The following BRINP1 variants were observed in gnomAD, a reference collection of about 807,000 sequenced individuals.
BRINP1 encodes the protein BMP/retinoic acid inducible neural specific 1.
BRINP1 carries 17 observed loss-of-function variants against 72.9 expected under a neutral mutation model. The ratio of observed to expected loss-of-function variants is 0.23; its 90% CI spans 0.16 to 0.35. The LOEUF (loss-of-function observed/expected upper bound fraction) is 0.35, where lower values mean the gene tolerates loss of function less well. Among genes scored for constraint, BRINP1 ranks in the 10% least tolerant of loss-of-function variants. The pLI, the probability that BRINP1 is intolerant of heterozygous loss-of-function variation, is 1.00. For missense variants in BRINP1, 850 were observed against 1,001.6 expected (o/e 0.85, Z 2.04); for synonymous variants, 418 against 378.5 (o/e 1.10, Z -1.21).
At chr9:119,195,767 C>T (rs1251006236) in intron 7 of BRINP1, among the ~76,000 whole-genome samples, 1 of 152,172 alleles carries the variant, frequency 6.6e-6, no homozygotes, top group East Asian at 1.9e-4. Flanking sequence ...GTTAGAAACT[C>T]AACTCAAAGA....
At chr9:119,241,183 T>C (rs112238168) in intron 4 of BRINP1, among the ~76,000 whole-genome samples, 140 of 152,340 alleles carry the variant, frequency 9.2e-4, no homozygotes, top group African/African-American at 3.2e-3. Context: ...AATGAGCTCC[T>C]TGGTAGCCAT....
chr9:119,262,318 A>T (rs2118936569), intron 2 of BRINP1, among the ~76,000 whole-genome samples: 1 of 152,158 alleles, frequency 6.6e-6, no homozygotes, highest in South Asian at 2.1e-4. Context: ...TTTAAGCAAG[A>T]TTCTGCCAAT....
intron 1 of BRINP1, among the ~76,000 whole-genome samples, chr9:119,357,255 A>ATGTG (rs748962199): frequency 6.7e-6 from 1 of 148,630 alleles, no homozygotes; most frequent in Non-Finnish European, 1.5e-5. Flanking sequence ...GTGCACGTGC[A>ATGTG]TGTGTGTGTG....
At chr9:119,216,566 T>C (rs1015525409) in intron 5 of BRINP1, among the ~76,000 whole-genome samples, 1 of 152,220 alleles carries the variant, frequency 6.6e-6, no homozygotes, top group Admixed American at 6.5e-5. Context: ...TCATTTTATC[T>C]ATATCACCAT....
At chr9:119,273,475 C>A (rs1049452530) in intron 2 of BRINP1, among the ~76,000 whole-genome samples, 6 of 152,074 alleles carry the variant, frequency 3.9e-5, no homozygotes, top group African/African-American at 1.5e-4. Context: ...TAAAAAAATT[C>A]TTTGAGTGGG....
intron 1 of BRINP1, among the ~76,000 whole-genome samples, chr9:119,353,873 G>A (rs887928510): frequency 3.2e-5 from 4 of 126,692 alleles, no homozygotes; most frequent in South Asian, 2.5e-4. Context: ...CACAGCCCAC[G>A]GTGAGATAAT....
intron 7 of BRINP1, among the ~76,000 whole-genome samples, chr9:119,168,655 A>C (rs1176023459): frequency 3.3e-5 from 5 of 152,246 alleles, no homozygotes; most frequent in African/African-American, 1.2e-4. Flanking sequence ...TACTTAAACC[A>C]CATGTTTCAA....
chr9:119,220,879 C>T (rs190145849), intron 5 of BRINP1, among the ~76,000 whole-genome samples: 1 of 152,194 alleles, frequency 6.6e-6, no homozygotes, highest in African/African-American at 2.4e-5. Context: ...CTCAGTATGC[C>T]ATAGCAGAGG....
chr9:119,344,997 C>T (rs957181274), intron 1 of BRINP1, among the ~76,000 whole-genome samples: 2 of 152,168 alleles, frequency 1.3e-5, no homozygotes, highest in Non-Finnish European at 2.9e-5. Context: ...TGTTGACAAA[C>T]TTCTGAAAAT....
intron 2 of BRINP1, among the ~76,000 whole-genome samples, chr9:119,258,542 C>T (rs1830467646): frequency 6.6e-6 from 1 of 152,150 alleles, no homozygotes; most frequent in African/African-American, 2.4e-5. Flanking sequence ...CATACAGAAT[C>T]CAAAATATCA....
intron 5 of BRINP1, among the ~76,000 whole-genome samples, chr9:119,223,827 C>T (rs10818287): frequency 0.47 from 70,796 of 151,740 alleles, 17,186 homozygotes; most frequent in Middle Eastern, 0.69. Flanking sequence ...CAGACATGTG[C>T]TCAGAAAGAT....
intron 1 of BRINP1, 132 bp from the exon 2 acceptor site, chr9:119,313,537 C>T (rs1356068971): frequency 1.3e-6 from 1 of 757,626 alleles, no homozygotes; most frequent in East Asian, 2.7e-5. Flanking sequence ...ATAATAATAC[C>T]TTATATCAGT....
intron 2 of BRINP1, among the ~76,000 whole-genome samples, chr9:119,305,129 A>C (rs1228294895): frequency 6.6e-6 from 1 of 152,248 alleles, no homozygotes; most frequent in African/African-American, 2.4e-5. Flanking sequence ...AACACATTAT[A>C]TTTGAATGGA....
rs186407222 is a variant in BRINP1 at position 119,200,609 on chromosome 9, G to A, written c.1145+8110C>T. Among the ~76,000 whole-genome samples the A allele has an allele frequency of 5.6e-5, 8 of 141,974 alleles. No homozygotes were observed. In the East Asian group the frequency reaches 1.4e-3, roughly 25 times the overall value. The allele number at this position is 141,974 out of a possible 152,430, so 93.1% of individuals were successfully genotyped here. A position where few individuals can be genotyped will look rare whatever the true frequency, so the allele number is the denominator to read the frequency against. On this transcript the variant is annotated intron_variant, in intron 7 of 7. Coordinates refer to ENST00000265922, the MANE Select transcript of BRINP1 (RefSeq NM_014618.3). The stretch of plus-strand genomic sequence containing the variant: ...ACTGCACTTCGGCCTGGGTGACAGG[G>A]CAGGACTCTGCCTCAAGAAAAAAAA...
At chr9:119,210,157 G>A (rs996446755) in intron 6 of BRINP1, among the ~76,000 whole-genome samples, 2 of 152,168 alleles carry the variant, frequency 1.3e-5, no homozygotes, top group African/African-American at 4.8e-5. Context: ...CTGAGTTTCT[G>A]TTTTCCAATC....
intron 7 of BRINP1, among the ~76,000 whole-genome samples, chr9:119,169,580 G>C (rs889258355): frequency 2.6e-5 from 4 of 152,230 alleles, no homozygotes; most frequent in African/African-American, 9.6e-5. Context: ...GCCCAGGCTT[G>C]ATTAGGTAAA....
intron 3 of BRINP1, among the ~76,000 whole-genome samples, chr9:119,244,015 T>C (rs2118914160): frequency 1.3e-5 from 2 of 152,338 alleles, no homozygotes; most frequent in Admixed American, 1.3e-4. Flanking sequence ...TGCTCTACCC[T>C]GTACAAATGT....
intron 1 of BRINP1, among the ~76,000 whole-genome samples, chr9:119,321,786 A>G (rs1272385943): frequency 3.3e-5 from 5 of 152,226 alleles, no homozygotes; most frequent in Admixed American, 2.6e-4. Context: ...CTAATGTTTT[A>G]TATTGATTAC....
intron 6 of BRINP1, chr9:119,213,699 G>T: frequency 1.6e-6 from 1 of 618,580 alleles, no homozygotes; most frequent in Admixed American, 2.9e-5. Flanking sequence ...TACATCATAT[G>T]ACCACAAACT....
Sources: allele counts gnomAD v4.1 joint callset (sites outside exome capture counted in the v4.1 genomes callset), GRCh38; gene constraint gnomAD v4.1.1; transcripts MANE v1.5; gene names NCBI Gene and HGNC (gene_info 2026-07-23, HGNC 2026-07-21).